Variants in UBAP2L observed in about 807,000 individuals in gnomAD.
UBAP2L encodes ubiquitin associated protein 2 like, also known as ubiquitin-associated protein 2-like.
A neutral mutation model predicts 130.6 loss-of-function variants in UBAP2L; 12 were observed. The ratio of observed to expected loss-of-function variants is 0.09; its 90% CI spans 0.06 to 0.15. The LOEUF (loss-of-function observed/expected upper bound fraction) is 0.15, where lower values mean the gene tolerates loss of function less well. Ranked by LOEUF, UBAP2L falls within the 10% of genes least tolerant of loss-of-function variation. UBAP2L has a pLI of 1.00. For synonymous variants in UBAP2L, 503 were observed against 524.7 expected (o/e 0.96, Z 0.57); for missense variants, 965 against 1,332.5 (o/e 0.72, Z 4.29).
intron 4 of UBAP2L, among the ~76,000 whole-genome samples, chr1:154,231,918 C>A (rs1669959751): frequency 6.6e-6 from 1 of 152,104 alleles, no homozygotes; most frequent in Admixed American, 6.5e-5. Flanking sequence ...TATTATCAAT[C>A]CTGATAAGGT....
chr1:154,269,859 A>G (rs1274517003), intron 26 of UBAP2L, among the ~76,000 whole-genome samples: 56 of 152,176 alleles, frequency 3.7e-4, no homozygotes, highest in Admixed American at 3.5e-3. Flanking sequence ...ATGGGGATCA[A>G]TGGAAATGAA....
chr1:154,255,350 T>C (rs753757870), intron 17 of UBAP2L, 24 bp downstream of exon 17: 102 of 1,610,978 alleles, frequency 6.3e-5, no homozygotes, highest in Non-Finnish European at 7.5e-5. Flanking sequence ...AGGATGGAGG[T>C]TGGGGTTGGT....
intron 4 of UBAP2L, among the ~76,000 whole-genome samples, chr1:154,232,152 C>T (rs902792962): frequency 1.3e-5 from 2 of 152,040 alleles, no homozygotes; most frequent in African/African-American, 4.8e-5. Context: ...CATGGTGAAA[C>T]CCCATCTCTA....
At chr1:154,223,839 A>G (rs1571558249) in intron 1 of UBAP2L, among the ~76,000 whole-genome samples, 2 of 152,210 alleles carry the variant, frequency 1.3e-5, no homozygotes, top group Admixed American at 1.3e-4. Context: ...ATATTTCTTT[A>G]GAAGTCCTTC....
At chr1:154,265,458 A>G (rs1682972612) in intron 24 of UBAP2L, among the ~76,000 whole-genome samples, 1 of 152,336 alleles carries the variant, frequency 6.6e-6, no homozygotes, top group South Asian at 2.1e-4. Context: ...AAAAACTAAT[A>G]TATCTTTTTA....
intron 4 of UBAP2L, among the ~76,000 whole-genome samples, chr1:154,231,834 A>T (rs2879788): frequency 0.45 from 68,980 of 151,978 alleles, 15,971 homozygotes; most frequent in South Asian, 0.64. Context: ...GAAGTTGTAG[A>T]CATAATACTT....
intron 10 of UBAP2L, among the ~76,000 whole-genome samples, chr1:154,245,759 A>C (rs976852198): frequency 7.7e-6 from 1 of 130,706 alleles, no homozygotes; most frequent in African/African-American, 3.0e-5. Flanking sequence ...TTAAAAATAC[A>C]AAAAAAAAAA....
intron 24 of UBAP2L, chr1:154,263,225 G>T: frequency 6.5e-7 from 1 of 1,547,492 alleles, no homozygotes; most frequent in Non-Finnish European, 8.7e-7. Context: ...TCAGAAACCA[G>T]ACCACTGAGG....
At chr1:154,264,806 C>T (rs1301093441) in intron 24 of UBAP2L, among the ~76,000 whole-genome samples, 1 of 151,930 alleles carries the variant, frequency 6.6e-6, no homozygotes, top group Non-Finnish European at 1.5e-5. Flanking sequence ...TTTGGTTTGA[C>T]TTAAAAATGT....
At chr1:154,236,754 A>G (rs1017662060) in intron 7 of UBAP2L, 143 bp downstream of exon 7, 2 of 818,590 alleles carry the variant, frequency 2.4e-6, no homozygotes, top group Non-Finnish European at 2.0e-6. Flanking sequence ...ATAAACCTTT[A>G]CCACCTGGAT....
intron 10 of UBAP2L, among the ~76,000 whole-genome samples, chr1:154,244,398 C>G (rs1287099594): frequency 6.6e-6 from 1 of 152,110 alleles, no homozygotes; most frequent in Non-Finnish European, 1.5e-5. Flanking sequence ...TGAGACGAGA[C>G]GGAGTCTTGT....
At chr1:154,253,416 G>C (rs1338697964) in intron 14 of UBAP2L, among the ~76,000 whole-genome samples, 1 of 135,030 alleles carries the variant, frequency 7.4e-6, no homozygotes, top group African/African-American at 2.9e-5. Context: ...ATGGAGTCTC[G>C]CTCTGTCACC....
chr1:154,234,918 G>A (rs997981026), intron 5 of UBAP2L, 159 bp downstream of exon 5: 20 of 980,908 alleles, frequency 2.0e-5, no homozygotes, highest in Non-Finnish European at 2.9e-5. Flanking sequence ...CTTGCATGTG[G>A]CCTTTTCTAC....
Position 154,254,991 on chromosome 1 carries a change from C to T in UBAP2L, c.1909+101C>T, listed in dbSNP as rs1571887610. ...CTTCACTGGACAATTGAGACCCATG[C>T]TGTGTAATTCTCAGCATTAAAGAAA... is the stretch of plus-strand genomic sequence containing the variant. On this transcript the variant is annotated intron_variant, in intron 16 of 26. Coordinates refer to ENST00000428931, the MANE Select transcript of UBAP2L (RefSeq NM_014847.4). 70 of 1,440,304 alleles carry T rather than the reference C, an allele frequency of 4.9e-5. No homozygotes were observed. The East Asian group carries it at 1.6e-3, about 32-fold the overall frequency. 89.2% of individuals were successfully genotyped at this position (1,440,304 alleles called of 1,614,324 possible). A position where few individuals can be genotyped will look rare whatever the true frequency, so the allele number is the denominator to read the frequency against.
At chr1:154,243,376 G>A in intron 10 of UBAP2L, 74 bp downstream of exon 10, 1 of 1,391,538 alleles carries the variant, frequency 7.2e-7, no homozygotes, top group Non-Finnish European at 1.0e-6. Context: ...AAGTGGCACT[G>A]GCCTTTGTAA....
At chr1:154,241,936 T>C (rs1673738205) in intron 9 of UBAP2L, 1 of 202,918 alleles carries the variant, frequency 4.9e-6, no homozygotes, top group Admixed American at 6.5e-5. Flanking sequence ...ATTTAAGTAT[T>C]TGCTATAAGG....
In UBAP2L at chr1:154,255,131, TC is replaced by T. The variant is rs1303529791; in HGVS notation, c.1910-19del. On this transcript the variant is annotated intron_variant, in intron 16 of 26. Transcript: ENST00000428931. Reference sequence around the variant, plus strand: ...TTCCCTTTTTTCTGATGAGAGGAATTCCTTTCTTCTAAATTTCTAGGTGCTA... The same window carrying T: ...TTCCCTTTTTTCTGATGAGAGGAATTCTTTCTTCTAAATTTCTAGGTGCTA... The T allele has an allele frequency of 3.7e-6, 6 of 1,612,574 alleles. No individual in the cohort carries two copies. The highest frequency in any genetic ancestry group is 5.1e-6 in the Non-Finnish European group (6 of 1,179,204).
rs1684547619 is a variant in UBAP2L, at chr1:154,270,645, TC to T, written c.*351del. 1 of 1,407,704 alleles carries T rather than the reference TC, an allele frequency of 7.1e-7. No individual in the cohort carries two copies. The highest frequency in any genetic ancestry group is 1.6e-5 in the South Asian group (1 of 61,484). The allele number at this position is 1,407,704 out of a possible 1,614,324, so 87.2% of individuals were successfully genotyped here. A position where few individuals can be genotyped will look rare whatever the true frequency, so the allele number is the denominator to read the frequency against. On this transcript the variant is annotated 3_prime_UTR_variant, in exon 27 of 27. Coordinates refer to ENST00000428931, the MANE Select transcript of UBAP2L (RefSeq NM_014847.4). ...GGGAGGTGGGACCCCCAAACATATA[TC>T]AGCCCAACAGCCCTAAGTCTCCTTC...
chr1:154,257,632 GA>G, intron 20 of UBAP2L, 198 bp downstream of exon 20: 1 of 599,936 alleles, frequency 1.7e-6, no homozygotes, highest in Non-Finnish European at 2.9e-6. Context: ...TGTCTGGTTG[GA>G]AAAAATTCAT....
Sources: allele counts gnomAD v4.1 joint callset (sites outside exome capture counted in the v4.1 genomes callset), GRCh38; gene constraint gnomAD v4.1.1; transcripts MANE v1.5; gene names NCBI Gene and HGNC (gene_info 2026-07-23, HGNC 2026-07-21).